Variants in ZNF804A observed in about 807,000 individuals in gnomAD.
ZNF804A encodes the protein zinc finger protein 804A.
A neutral mutation model predicts 16.5 loss-of-function variants in ZNF804A; 2 were observed. The ratio of observed to expected loss-of-function variants is 0.12; its 90% CI spans 0.05 to 0.38. The LOEUF (loss-of-function observed/expected upper bound fraction) is 0.38, where lower values mean the gene tolerates loss of function less well. Among genes scored for constraint, ZNF804A ranks in the 10% least tolerant of loss-of-function variants. The pLI is 0.99. For synonymous variants in ZNF804A, 534 were observed against 489.6 expected (o/e 1.09, Z -1.20); for missense variants, 1,473 against 1,390.7 (o/e 1.06, Z -0.94).
intron 1 of ZNF804A, among the ~76,000 whole-genome samples, chr2:184,802,216 C>A (rs1694737189): frequency 6.6e-6 from 1 of 152,178 alleles, no homozygotes; most frequent in African/African-American, 2.4e-5. Context: ...GCTTCACCTT[C>A]TCCTGCTCAT....
intron 1 of ZNF804A, among the ~76,000 whole-genome samples, chr2:184,609,240 G>T (rs1279519604): frequency 1.3e-5 from 2 of 152,158 alleles, no homozygotes; most frequent in East Asian, 3.9e-4. Flanking sequence ...AGCAGCAGTG[G>T]AGTGGTGGAG....
chr2:184,744,823 A>G (rs952549459), intron 1 of ZNF804A, among the ~76,000 whole-genome samples: 6 of 151,892 alleles, frequency 4.0e-5, no homozygotes, highest in African/African-American at 1.4e-4. Flanking sequence ...CCAAACAACT[A>G]TCCGTATAAA....
chr2:184,608,481 G>A (rs1691186061), intron 1 of ZNF804A, among the ~76,000 whole-genome samples: 1 of 152,136 alleles, frequency 6.6e-6, no homozygotes, highest in Non-Finnish European at 1.5e-5. Context: ...GGCTGGCAGA[G>A]GGAGATGTTG....
intron 2 of ZNF804A, among the ~76,000 whole-genome samples, chr2:184,898,141 GAA>G (rs1279744789): frequency 6.6e-6 from 1 of 151,998 alleles, no homozygotes; most frequent in Non-Finnish European, 1.5e-5. Context: ...TTTTATTCTT[GAA>G]AAGACACTAT....
chr2:184,913,580 T>C (rs150105667), intron 2 of ZNF804A, among the ~76,000 whole-genome samples: 1 of 152,250 alleles, frequency 6.6e-6, no homozygotes, highest in South Asian at 2.1e-4. Context: ...AGGTAGGGGA[T>C]TGGGACGAGG....
intron 1 of ZNF804A, among the ~76,000 whole-genome samples, chr2:184,808,373 A>G (rs1334137550): frequency 6.6e-6 from 1 of 151,624 alleles, no homozygotes; most frequent in Non-Finnish European, 1.5e-5. Context: ...TGGTTAGAAG[A>G]TTGGATTGAT....
chr2:184,628,657 A>T lies in ZNF804A; in HGVS notation c.111+29587A>T, dbSNP rs553858777. Among the ~76,000 whole-genome samples, 73 of 151,938 alleles carry T rather than the reference A, an allele frequency of 4.8e-4. 1 individual carries two copies. In the South Asian group the frequency reaches 6.0e-3, roughly 13 times the overall value. Reference sequence around the variant, plus strand: ...ATGTTCTTTGGTAATCCTTTTTTTTAAAAAAATACTTGTGTTTGAGTTCAT... The same window carrying T: ...ATGTTCTTTGGTAATCCTTTTTTTTTAAAAAATACTTGTGTTTGAGTTCAT... On this transcript the variant is annotated intron_variant, in intron 1 of 3. Transcript: ENST00000302277.
chr2:184,741,479 G>T (rs567314968), intron 1 of ZNF804A, among the ~76,000 whole-genome samples: 11 of 152,142 alleles, frequency 7.2e-5, no homozygotes, highest in African/African-American at 2.6e-4. Flanking sequence ...ATCCCCTCTA[G>T]ATCTCCAGGA....
chr2:184,822,224 C>T lies in ZNF804A; in HGVS notation c.112-44145C>T, dbSNP rs150710036. 9.0e-3 allele frequency among the ~76,000 whole-genome samples: 1,369 copies of T among 152,170 alleles called. 24 individuals are homozygous for T. The highest frequency in any genetic ancestry group is 0.031 in the African/African-American group (1,300 of 41,522). ...TACATATACACCATGGAATACTATGCGGCTAGAAAAAGGAAGGAAATCATG... is the reference window on the plus strand; with the variant it reads ...TACATATACACCATGGAATACTATGTGGCTAGAAAAAGGAAGGAAATCATG... On this transcript the variant is annotated intron_variant, in intron 1 of 3. Transcript: ENST00000302277.
intron 1 of ZNF804A, among the ~76,000 whole-genome samples, chr2:184,825,772 A>G (rs1695155600): frequency 6.6e-6 from 1 of 152,146 alleles, no homozygotes; most frequent in African/African-American, 2.4e-5. Flanking sequence ...CTTCAAAATA[A>G]ATTAATGAAT....
At chr2:184,792,146 G>A (rs1022657048) in intron 1 of ZNF804A, among the ~76,000 whole-genome samples, 10 of 152,050 alleles carry the variant, frequency 6.6e-5, no homozygotes, top group South Asian at 2.1e-4. Context: ...GCTTTTGTAC[G>A]GGCTTAAGCT....
intron 1 of ZNF804A, among the ~76,000 whole-genome samples, chr2:184,837,423 G>A (rs1478461604): frequency 6.6e-6 from 1 of 152,034 alleles, no homozygotes; most frequent in African/African-American, 2.4e-5. Context: ...TTTAGCAAGA[G>A]TATGGATAAA....
intron 1 of ZNF804A, among the ~76,000 whole-genome samples, chr2:184,636,662 T>TC (rs959558662): frequency 6.6e-6 from 1 of 152,016 alleles, no homozygotes; most frequent in Non-Finnish European, 1.5e-5. Context: ...ACTGTTTTTT[T>TC]CTTTATTATT....
chr2:184,935,155 C>T (rs898758988), intron 3 of ZNF804A, among the ~76,000 whole-genome samples: 2 of 152,080 alleles, frequency 1.3e-5, no homozygotes, highest in African/African-American at 4.8e-5. Context: ...TTTTATCTTG[C>T]ATTTACTGCA....
intron 1 of ZNF804A, among the ~76,000 whole-genome samples, chr2:184,851,717 T>A (rs1695605553): frequency 6.6e-6 from 1 of 151,982 alleles, no homozygotes. Flanking sequence ...GTGGGATTGC[T>A]GGATCATATG....
intron 1 of ZNF804A, among the ~76,000 whole-genome samples, chr2:184,837,038 C>T (rs769468225): frequency 1.3e-5 from 2 of 152,020 alleles, no homozygotes; most frequent in African/African-American, 2.4e-5. Flanking sequence ...ATTACTACTG[C>T]TTCTTCGCAG....
At chr2:184,616,092 CT>C (rs1295867349) in intron 1 of ZNF804A, among the ~76,000 whole-genome samples, 1 of 152,040 alleles carries the variant, frequency 6.6e-6, no homozygotes, top group Non-Finnish European at 1.5e-5. Flanking sequence ...TATTTATTTA[CT>C]TTTTTGCTGA....
chr2:184,679,418 G>A (rs1692498167), intron 1 of ZNF804A, among the ~76,000 whole-genome samples: 1 of 152,180 alleles, frequency 6.6e-6, no homozygotes, highest in African/African-American at 2.4e-5. Flanking sequence ...GGGAGCTGGG[G>A]ACAGGTGGAG....
chr2:184,895,163 C>T (rs1320626096), intron 2 of ZNF804A, among the ~76,000 whole-genome samples: 1 of 151,696 alleles, frequency 6.6e-6, no homozygotes, highest in Non-Finnish European at 1.5e-5. Context: ...GTGTTCTAGT[C>T]CAACAAGCTG....
Sources: allele counts gnomAD v4.1 joint callset (sites outside exome capture counted in the v4.1 genomes callset), GRCh38; gene constraint gnomAD v4.1.1; transcripts MANE v1.5; gene names NCBI Gene and HGNC (gene_info 2026-07-23, HGNC 2026-07-21).